Variants in SCHIP1 observed in about 807,000 individuals in gnomAD.
SCHIP1 encodes the protein schwannomin interacting protein 1.
SCHIP1 carries 8 observed loss-of-function variants against 29.7 expected under a neutral mutation model. The ratio of observed to expected loss-of-function variants is 0.27; its 90% CI spans 0.16 to 0.49. The LOEUF is 0.49. Among genes scored for constraint, SCHIP1 ranks in the 20% least tolerant of loss-of-function variants. The probability of loss-of-function intolerance (pLI) is 0.99; values close to 1 mark genes in which losing one functional copy is unlikely to be tolerated. For synonymous variants in SCHIP1, 76 were observed against 94.9 expected, an observed-to-expected ratio of 0.80 and a Z score of 1.16; for missense variants, 193 against 294.6, an observed-to-expected ratio of 0.66 and a Z score of 2.52.
At chr3:159,607,026 C>T in the SCHIP1 span, among the ~76,000 whole-genome samples, 1 of 152,232 alleles carries the variant, frequency 6.6e-6, no homozygotes, top group Non-Finnish European at 1.5e-5. Flanking sequence ...CTTTTGAACA[C>T]TTCAGTTCTT....
chr3:159,608,910 A>G, the SCHIP1 span, among the ~76,000 whole-genome samples: 2 of 152,234 alleles, frequency 1.3e-5, no homozygotes, highest in Admixed American at 1.3e-4. Context: ...ACAAGTAGTC[A>G]GCCATCACTT....
the SCHIP1 span, among the ~76,000 whole-genome samples, chr3:159,451,224 C>T: frequency 2.6e-5 from 4 of 152,226 alleles, no homozygotes; most frequent in East Asian, 7.7e-4. Flanking sequence ...CTGAAGGGCA[C>T]ATGTTAAAGT....
the SCHIP1 span, chr3:159,273,635 T>C: frequency 7.5e-7 from 1 of 1,338,472 alleles, no homozygotes; most frequent in Non-Finnish European, 9.6e-7. Context: ...AAAATCTACT[T>C]TGAGCTGCTT....
the SCHIP1 span, among the ~76,000 whole-genome samples, chr3:159,667,013 T>C: frequency 1.3e-5 from 2 of 152,370 alleles, no homozygotes; most frequent in Non-Finnish European, 2.9e-5. Context: ...CCTCATGATC[T>C]GCCTGTGAGA....
the SCHIP1 span, among the ~76,000 whole-genome samples, chr3:159,635,203 A>G: frequency 6.6e-6 from 1 of 152,180 alleles, no homozygotes; most frequent in Admixed American, 6.5e-5. Flanking sequence ...TATGAGTGAT[A>G]AGTCAAATAT....
the SCHIP1 span, chr3:159,764,480 C>CCGGCAGCAG: frequency 1.3e-6 from 2 of 1,591,542 alleles, no homozygotes; most frequent in Admixed American, 1.8e-5. This position sits in a 1 kb window ranked among gnomAD's most constrained non-coding sequence, Gnocchi z 6.1. Flanking sequence ...GGCAGTGACG[C>CCGGCAGCAG]CGGCAGCAGC....
the SCHIP1 span, among the ~76,000 whole-genome samples, chr3:159,622,984 A>AAT: frequency 7.9e-5 from 12 of 152,314 alleles, no homozygotes; most frequent in Middle Eastern, 3.4e-3. Flanking sequence ...TGCATACACA[A>AAT]ATATATATAT....
chr3:159,788,129 C>G, the SCHIP1 span, among the ~76,000 whole-genome samples: 1 of 152,124 alleles, frequency 6.6e-6, no homozygotes, highest in Non-Finnish European at 1.5e-5. Flanking sequence ...TTTGAGTGAG[C>G]TGGCCCCACA....
the SCHIP1 span, among the ~76,000 whole-genome samples, chr3:159,296,728 G>A: frequency 2.1e-4 from 32 of 151,592 alleles, no homozygotes; most frequent in Admixed American, 1.1e-3. Flanking sequence ...AGCCGAGATC[G>A]CACCATTGCA....
At chr3:159,880,084 G>T (rs1267936405) in intron 2 of SCHIP1, among the ~76,000 whole-genome samples, 5 of 152,194 alleles carry the variant, frequency 3.3e-5, no homozygotes, top group African/African-American at 1.2e-4. Context: ...AACTACCTTT[G>T]GAGCTGCCTT....
At chr3:159,754,785 ACT>A in the SCHIP1 span, among the ~76,000 whole-genome samples, 1 of 152,270 alleles carries the variant, frequency 6.6e-6, no homozygotes, top group South Asian at 2.1e-4. Context: ...TAGACTTGGA[ACT>A]CTGGAAATCT....
At chr3:159,652,322 G>T in the SCHIP1 span, among the ~76,000 whole-genome samples, 2 of 152,058 alleles carry the variant, frequency 1.3e-5, no homozygotes, top group Non-Finnish European at 2.9e-5. Flanking sequence ...GTAGTGATTG[G>T]TGGTTTTTTA....
chr3:159,294,191 G>T, the SCHIP1 span, among the ~76,000 whole-genome samples: 11 of 152,268 alleles, frequency 7.2e-5, no homozygotes, highest in African/African-American at 1.9e-4. Flanking sequence ...GGCTTCATGT[G>T]CTAGGGCAAG....
At chr3:159,396,802 G>A in the SCHIP1 span, among the ~76,000 whole-genome samples, 70 of 151,890 alleles carry the variant, frequency 4.6e-4, no homozygotes, top group East Asian at 7.6e-3. Flanking sequence ...ATGTGTCCTG[G>A]AGTTGCTCTT....
At chr3:159,467,980 T>A in the SCHIP1 span, among the ~76,000 whole-genome samples, 1 of 152,144 alleles carries the variant, frequency 6.6e-6, no homozygotes, top group African/African-American at 2.4e-5. Flanking sequence ...GTTTTCACAT[T>A]TGCATATAAA....
At chr3:159,320,464 G>A in the SCHIP1 span, among the ~76,000 whole-genome samples, 7 of 152,236 alleles carry the variant, frequency 4.6e-5, no homozygotes, top group Middle Eastern at 6.8e-3. Flanking sequence ...ATGGTATTTC[G>A]TTATAGAAGC....
chr3:159,378,435 T>C, the SCHIP1 span, among the ~76,000 whole-genome samples: 7 of 152,228 alleles, frequency 4.6e-5, no homozygotes, highest in African/African-American at 1.7e-4. Context: ...TGGGTGGTTG[T>C]TTTTGTTGAT....
the SCHIP1 span, among the ~76,000 whole-genome samples, chr3:159,432,372 G>C: frequency 4.0e-5 from 6 of 150,014 alleles, no homozygotes; most frequent in South Asian, 1.3e-3. Context: ...GGGAGAGAGA[G>C]AGAGATCTCA....
At chr3:159,869,525 T>A (rs1715012703) in intron 2 of SCHIP1, among the ~76,000 whole-genome samples, 1 of 151,936 alleles carries the variant, frequency 6.6e-6, no homozygotes, top group African/African-American at 2.4e-5. Flanking sequence ...ACTACTCCCA[T>A]ATATACTGTA....
Sources: allele counts gnomAD v4.1 joint callset (sites outside exome capture counted in the v4.1 genomes callset), GRCh38; gene constraint gnomAD v4.1.1; non-coding constraint Gnocchi (gnomAD v3.1); transcripts MANE v1.5; gene names NCBI Gene and HGNC (gene_info 2026-07-23, HGNC 2026-07-21).